LIN54: variants seen among roughly 807,000 people sequenced by gnomAD.
LIN54 encodes the protein lin-54 DREAM MuvB core complex component, also known as protein lin-54 homolog.
LIN54 carries 9 observed loss-of-function variants against 78.7 expected under a neutral mutation model. That is an observed-to-expected ratio of 0.11 (90% CI 0.07 to 0.20). The LOEUF is 0.20. Ranked by LOEUF, LIN54 falls within the 10% of genes least tolerant of loss-of-function variation. LIN54 has a pLI of 1.00. For missense variants in LIN54, 573 were observed against 889.9 expected (o/e 0.64, Z 4.53); for synonymous variants, 269 against 318.4 (o/e 0.84, Z 1.65).
At chr4:82,974,738 A>G (rs1578585236) in intron 3 of LIN54, among the ~76,000 whole-genome samples, 1 of 152,092 alleles carries the variant, frequency 6.6e-6, no homozygotes, top group African/African-American at 2.4e-5. Flanking sequence ...CTCCATCTTA[A>G]ATCCCAGCTA....
chr4:82,964,935 T>C (rs1294331951), intron 4 of LIN54, among the ~76,000 whole-genome samples: 3 of 152,170 alleles, frequency 2.0e-5, no homozygotes, highest in African/African-American at 7.2e-5. Context: ...GAGGCAGAGG[T>C]TGCAGTGAGC....
intron 4 of LIN54, among the ~76,000 whole-genome samples, chr4:82,961,518 T>C (rs145520359): frequency 6.6e-6 from 1 of 151,782 alleles, no homozygotes; most frequent in Non-Finnish European, 1.5e-5. Flanking sequence ...GTTGCAAAAA[T>C]AAAGGCTGAA....
intron 1 of LIN54, among the ~76,000 whole-genome samples, chr4:82,985,306 T>C (rs1233579880): frequency 6.6e-6 from 1 of 152,238 alleles, no homozygotes; most frequent in Admixed American, 6.5e-5. Flanking sequence ...TATTAACATA[T>C]TGTAAAATAC....
intron 1 of LIN54, among the ~76,000 whole-genome samples, chr4:83,002,391 G>A (rs1430938403): frequency 6.8e-6 from 1 of 147,310 alleles, no homozygotes; most frequent in Non-Finnish European, 1.5e-5. Flanking sequence ...GGGTGAGGGA[G>A]GAAGGAAGGA....
At chr4:82,999,085 TTGTC>T (rs1728512039) in intron 1 of LIN54, among the ~76,000 whole-genome samples, 1 of 152,202 alleles carries the variant, frequency 6.6e-6, no homozygotes, top group Non-Finnish European at 1.5e-5. Flanking sequence ...TTGCCACTAA[TTGTC>T]TGTTTCCACA....
Position 82,946,247 on chromosome 4 carries a change from T to C in LIN54, c.1168+11A>G, listed in dbSNP as rs1461188318. ...AGCATGAATTACTGTTTTTAAAAAA[T>C]GGTTACTAACCTTGCTGAAGAGGCT... On this transcript the variant is annotated intron_variant, in intron 5 of 12. Coordinates refer to ENST00000340417, the MANE Select transcript of LIN54 (RefSeq NM_194282.4). 3 of 1,598,880 alleles carry C rather than the reference T, an allele frequency of 1.9e-6. No individual in the cohort carries two copies. In the Admixed American group the frequency reaches 5.0e-5, roughly 27 times the overall value.
chr4:82,970,321 T>G lies in LIN54; in HGVS notation c.951+6A>C. On this transcript the variant is annotated splice_donor_region_variant and intron_variant, in intron 4 of 12. Coordinates refer to ENST00000340417, the MANE Select transcript of LIN54 (RefSeq NM_194282.4). ...TTTGGTATTTGTGGCTAATTTATTT[T>G]TTTACCTTATTTGGCGATTTCAAAG... is the stretch of plus-strand genomic sequence containing the variant. 6.2e-7 allele frequency: 1 copy of G among 1,603,648 alleles called. No homozygotes were observed. The highest frequency in any genetic ancestry group is 1.1e-5 in the South Asian group (1 of 88,646).
rs745829782 is a variant in LIN54, at chr4:82,978,926, T to C, written c.765A>G (p.Ala255=). ...LIFAKPINSK[A]VTGQTTQVSP... is the part of the protein sequence containing the mutation. ...AAACTTGAGTTGTCTGTCCTGTAACTGCTTTACTATTAATTGGTTTTGCAA... is the reference window on the plus strand; with the variant it reads ...AAACTTGAGTTGTCTGTCCTGTAACCGCTTTACTATTAATTGGTTTTGCAA... The change falls in exon 3 of 13, where the codon GCA becomes GCG. Residue 255 remains alanine, a synonymous_variant. Coordinates refer to ENST00000340417, the MANE Select transcript of LIN54 (RefSeq NM_194282.4). 6.3e-7 allele frequency: 1 copy of C among 1,588,280 alleles called. No individual in the cohort carries two copies. The highest frequency in any genetic ancestry group is 8.6e-7 in the Non-Finnish European group (1 of 1,160,138).
At chr4:82,999,128 G>A (rs1026194762) in intron 1 of LIN54, among the ~76,000 whole-genome samples, 1 of 152,140 alleles carries the variant, frequency 6.6e-6, no homozygotes, top group African/African-American at 2.4e-5. Flanking sequence ...AGTAAATTGT[G>A]TATTGCAGTA....
At chr4:82,997,010 A>G (rs940178667) in intron 1 of LIN54, among the ~76,000 whole-genome samples, 1 of 152,024 alleles carries the variant, frequency 6.6e-6, no homozygotes, top group African/African-American at 2.4e-5. Context: ...ATTTGTTTAT[A>G]CTTTTATTGT....
chr4:83,008,949 A>G (rs1403257585), intron 1 of LIN54, among the ~76,000 whole-genome samples: 3 of 152,228 alleles, frequency 2.0e-5, no homozygotes, highest in African/African-American at 4.8e-5. Context: ...TAGTCTTACT[A>G]CTGAGTCAGC....
intron 1 of LIN54, among the ~76,000 whole-genome samples, chr4:83,005,764 A>G (rs1294228408): frequency 6.6e-6 from 1 of 152,236 alleles, no homozygotes; most frequent in Non-Finnish European, 1.5e-5. Context: ...CATTTGACCC[A>G]GCAATCACAT....
At chr4:82,955,068 T>C (rs1222701689) in intron 4 of LIN54, among the ~76,000 whole-genome samples, 4 of 152,138 alleles carry the variant, frequency 2.6e-5, no homozygotes, top group Admixed American at 2.6e-4. Flanking sequence ...TTTTTAAAAA[T>C]ACACTGTTAA....
At chr4:82,986,681 C>T (rs1441733939) in intron 1 of LIN54, among the ~76,000 whole-genome samples, 32 of 120,798 alleles carry the variant, frequency 2.6e-4, no homozygotes, top group African/African-American at 9.1e-4. Context: ...TTGAGCCGGG[C>T]GACAGAGCGA....
intron 4 of LIN54, among the ~76,000 whole-genome samples, chr4:82,955,267 C>G (rs561939199): frequency 1.3e-5 from 2 of 151,846 alleles, no homozygotes; most frequent in Non-Finnish European, 2.9e-5. Context: ...AGGAAGCTGA[C>G]GCAAGAGAAT....
At chr4:82,944,687 C>T (rs1357880089) in intron 5 of LIN54, 1 of 152,046 alleles carries the variant, frequency 6.6e-6, no homozygotes, top group East Asian at 1.9e-4. Flanking sequence ...GGTGAACCAC[C>T]TATCAGCAAC....
chr4:83,002,548 G>GT (rs1728960934), intron 1 of LIN54, among the ~76,000 whole-genome samples: 1 of 152,000 alleles, frequency 6.6e-6, no homozygotes, highest in South Asian at 2.1e-4. Flanking sequence ...TACATCAAGT[G>GT]TGCCCACCTC....
At chr4:82,982,742 T>C (rs2868708) in intron 2 of LIN54, among the ~76,000 whole-genome samples, 49,880 of 152,004 alleles carry the variant, frequency 0.33, 9,493 homozygotes, top group African/African-American at 0.52. Context: ...AAATGTTTAA[T>C]AATGGCAAAG....
intron 1 of LIN54, among the ~76,000 whole-genome samples, chr4:83,009,955 G>A (rs899853645): frequency 6.6e-6 from 1 of 152,176 alleles, no homozygotes; most frequent in Non-Finnish European, 1.5e-5. Flanking sequence ...ATAACTGAGA[G>A]TATCTCAATT....
Sources: gnomAD v4.1 joint callset for allele counts (sites outside exome capture counted in the v4.1 genomes callset) on GRCh38, gnomAD v4.1.1 for gene constraint, MANE v1.5 for transcripts, NCBI Gene and HGNC (gene_info 2026-07-23, HGNC 2026-07-21) for gene names.